Variants in MEF2C observed in about 807,000 individuals in gnomAD.
MEF2C encodes myocyte-specific enhancer factor 2C.
In MEF2C, 6 loss-of-function variants were observed where a neutral mutation model predicts 50.5. That is an observed-to-expected ratio of 0.12 (90% CI 0.07 to 0.23). MEF2C has a LOEUF of 0.23. Ranked by LOEUF, MEF2C falls within the 10% of genes least tolerant of loss-of-function variation. MEF2C has a pLI of 1.00. For missense variants in MEF2C, 276 were observed against 605.0 expected (o/e 0.46, Z 5.70); for synonymous variants, 183 against 228.0 (o/e 0.80, Z 1.78).
intron 1 of MEF2C, chr5:88,838,770 T>G (rs567770732): frequency 5.1e-6 from 5 of 974,224 alleles, no homozygotes; most frequent in Non-Finnish European, 6.1e-6. Context: ...CTTCTCCTTA[T>G]CTCCTCAAAT....
intron 4 of MEF2C, among the ~76,000 whole-genome samples, chr5:88,760,690 G>A (rs1777449358): frequency 6.6e-6 from 1 of 152,196 alleles, no homozygotes; most frequent in Non-Finnish European, 1.5e-5. Flanking sequence ...CATGTATTGT[G>A]ATTTGCATGG....
intron 1 of MEF2C, among the ~76,000 whole-genome samples, chr5:88,858,302 A>ATAT (rs1824210575): frequency 6.6e-6 from 1 of 152,190 alleles, no homozygotes; most frequent in African/African-American, 2.4e-5. Context: ...TTCATGTGTA[A>ATAT]TATTCACCTA....
At chr5:88,801,643 C>T (rs1424150021) in intron 3 of MEF2C, among the ~76,000 whole-genome samples, 1 of 152,072 alleles carries the variant, frequency 6.6e-6, no homozygotes, top group Non-Finnish European at 1.5e-5. Context: ...CCCTCCACCA[C>T]GCTCGGCTAA....
chr5:88,848,996 CA>C (rs537684304), intron 1 of MEF2C, among the ~76,000 whole-genome samples: 5 of 151,738 alleles, frequency 3.3e-5, no homozygotes, highest in Non-Finnish European at 7.4e-5. Context: ...ACTAAAAATA[CA>C]AAAATTCGCC....
At chr5:88,798,148 T>G (rs1386003948) in intron 3 of MEF2C, among the ~76,000 whole-genome samples, 1 of 152,164 alleles carries the variant, frequency 6.6e-6, no homozygotes, top group East Asian at 1.9e-4. Context: ...GAGTATCTTG[T>G]GGTGTTCTCT....
intron 6 of MEF2C, chr5:88,737,107 G>T (rs1393729337): frequency 2.0e-6 from 2 of 984,966 alleles, no homozygotes; most frequent in Non-Finnish European, 2.4e-6. Context: ...ATTCAGGAAA[G>T]GCACTAAAAG....
intron 6 of MEF2C, chr5:88,743,652 C>G: frequency 4.1e-6 from 4 of 985,364 alleles, no homozygotes; most frequent in Non-Finnish European, 4.8e-6. Context: ...GGTGCTGAGT[C>G]ATGACCTAAG....
At chr5:88,751,475 C>T in intron 5 of MEF2C, 1 of 985,246 alleles carries the variant, frequency 1.0e-6, no homozygotes, top group Non-Finnish European at 1.2e-6. Context: ...TCACAGAACA[C>T]AGGGGAAGGT....
intron 6 of MEF2C, chr5:88,734,755 A>G: frequency 1.0e-6 from 1 of 982,838 alleles, no homozygotes; most frequent in Non-Finnish European, 1.2e-6. Flanking sequence ...AAAAAAATTG[A>G]TTTTAAAAGC....
Position 88,846,070 on chromosome 5 carries a change from C to CT in MEF2C, c.-142-22141dup, listed in dbSNP as rs869122348. 5.9e-3 allele frequency among the ~76,000 whole-genome samples: 828 copies of CT among 140,028 alleles called. 3 individuals are homozygous for CT. Among genetic ancestry groups the CT allele is most frequent in the African/African-American group, 0.014 (519 of 38,378 alleles). The allele number at this position is 140,028 out of a possible 152,430, so 91.9% of individuals were successfully genotyped here. Reference sequence around the variant, plus strand: ...AATAAAAATAATATATACTTCAAGTCTTTTTTTTTTTTTTTGAGATGCATT... The same window carrying CT: ...AATAAAAATAATATATACTTCAAGTCTTTTTTTTTTTTTTTTGAGATGCATT... On this transcript the variant is annotated intron_variant, in intron 1 of 10. Transcript: ENST00000504921.
At chr5:88,736,891 T>C (rs1764358996) in intron 6 of MEF2C, 1 of 985,216 alleles carries the variant, frequency 1.0e-6, no homozygotes, top group African/African-American at 1.7e-5. Context: ...CAGTATTGGC[T>C]CTCCTGTTTA....
At chr5:88,734,563 T>TTG in intron 6 of MEF2C, 2 of 453,256 alleles carry the variant, frequency 4.4e-6, no homozygotes, top group Non-Finnish European at 5.4e-6. Context: ...TGAGAAAAGT[T>TTG]TGTTTTTTTT....
chr5:88,879,528 C>T (rs562878077), intron 1 of MEF2C, among the ~76,000 whole-genome samples: 1 of 151,870 alleles, frequency 6.6e-6, no homozygotes, highest in Non-Finnish European at 1.5e-5. Flanking sequence ...TATGCATTTT[C>T]TGCTGAATTA....
chr5:88,802,096 C>G (rs1798608425), intron 3 of MEF2C, among the ~76,000 whole-genome samples: 2 of 152,190 alleles, frequency 1.3e-5, no homozygotes, highest in African/African-American at 4.8e-5. Context: ...AGATTTGGCC[C>G]AAAAGCCTCG....
intron 3 of MEF2C, among the ~76,000 whole-genome samples, chr5:88,767,304 T>A (rs925669198): frequency 2.0e-5 from 3 of 152,232 alleles, no homozygotes; most frequent in African/African-American, 4.8e-5. Flanking sequence ...GAGGGAAGAT[T>A]AGATGCCAAG....
intron 1 of MEF2C, chr5:88,877,937 C>A (rs571869732): frequency 3.9e-5 from 6 of 151,956 alleles, no homozygotes; most frequent in South Asian, 4.1e-4. Flanking sequence ...TATTCACTTA[C>A]GTACTGCATA....
At chr5:88,799,850 T>C (rs1409924277) in intron 3 of MEF2C, among the ~76,000 whole-genome samples, 1 of 97,314 alleles carries the variant, frequency 1.0e-5, no homozygotes, top group East Asian at 3.2e-4. Flanking sequence ...TCCCTTTCCT[T>C]CTCTCTCTCT....
intron 1 of MEF2C, chr5:88,881,096 T>A (rs1434794293): frequency 1.3e-5 from 2 of 152,154 alleles, no homozygotes; most frequent in Non-Finnish European, 2.9e-5. Flanking sequence ...TAAAATTTAG[T>A]AAAATTTGAA....
intron 6 of MEF2C, among the ~76,000 whole-genome samples, chr5:88,732,217 C>T (rs1017758750): frequency 7.9e-5 from 12 of 152,260 alleles, no homozygotes; most frequent in African/African-American, 2.6e-4. Flanking sequence ...AAGAAAAGCA[C>T]AGAACTGGTC....
Sources: allele counts gnomAD v4.1 joint callset (sites outside exome capture counted in the v4.1 genomes callset), GRCh38; gene constraint gnomAD v4.1.1; transcripts MANE v1.5; gene names NCBI Gene and HGNC (gene_info 2026-07-23, HGNC 2026-07-21).